SPIDR: variants seen among roughly 807,000 people sequenced by gnomAD.
SPIDR encodes the protein scaffold protein involved in DNA repair.
A neutral mutation model predicts 104.6 loss-of-function variants in SPIDR; 93 were observed. The ratio of observed to expected loss-of-function variants is 0.89; its 90% CI spans 0.75 to 1.06. SPIDR has a LOEUF of 1.06. Ranked by LOEUF, SPIDR falls within the 50% of genes least tolerant of loss-of-function variation. The probability of loss-of-function intolerance (pLI) is 0.00; values close to 1 mark genes in which losing one functional copy is unlikely to be tolerated. For missense variants in SPIDR, 1,154 were observed against 1,111.2 expected, an observed-to-expected ratio of 1.04 and a Z score of -0.55; for synonymous variants, 431 against 416.9, an observed-to-expected ratio of 1.03 and a Z score of -0.41.
At chr8:47,302,846 G>C (rs1488648922) in intron 5 of SPIDR, among the ~76,000 whole-genome samples, 1 of 152,202 alleles carries the variant, frequency 6.6e-6, no homozygotes, top group Non-Finnish European at 1.5e-5. Flanking sequence ...TGAGGTGTCA[G>C]TCTGCCCCTA....
intron 5 of SPIDR, among the ~76,000 whole-genome samples, chr8:47,298,352 T>C (rs1424664030): frequency 6.6e-6 from 1 of 152,232 alleles, no homozygotes; most frequent in Non-Finnish European, 1.5e-5. Context: ...TTCTGGATAT[T>C]AGCCCTTTGT....
At chr8:47,387,410 G>A (rs2060085361) in intron 5 of SPIDR, among the ~76,000 whole-genome samples, 1 of 152,182 alleles carries the variant, frequency 6.6e-6, no homozygotes, top group Admixed American at 6.5e-5. Context: ...GACCCTGGCA[G>A]GAGGGCAGGA....
intron 7 of SPIDR, among the ~76,000 whole-genome samples, chr8:47,412,244 A>G (rs201711664): frequency 1.3e-5 from 2 of 152,110 alleles, no homozygotes; most frequent in Non-Finnish European, 2.9e-5. Context: ...ATTACCTTGG[A>G]CAGTATGGCC....
chr8:47,576,416 G>A (rs1157798501), intron 8 of SPIDR, among the ~76,000 whole-genome samples: 2 of 152,206 alleles, frequency 1.3e-5, no homozygotes, highest in Non-Finnish European at 2.9e-5. Flanking sequence ...CTCCCAAAGT[G>A]CTGGGATTAC....
intron 5 of SPIDR, among the ~76,000 whole-genome samples, chr8:47,343,905 G>C (rs527640485): frequency 6.6e-6 from 1 of 151,810 alleles, no homozygotes; most frequent in Non-Finnish European, 1.5e-5. Flanking sequence ...ACATTCTTAC[G>C]TATTTAATCT....
At chr8:47,711,716 C>G (rs2081921774) in intron 14 of SPIDR, among the ~76,000 whole-genome samples, 1 of 152,192 alleles carries the variant, frequency 6.6e-6, no homozygotes, top group Admixed American at 6.5e-5. Context: ...ACCAATACTT[C>G]CAACTCTAGA....
intron 10 of SPIDR, among the ~76,000 whole-genome samples, chr8:47,672,961 C>T (rs1290365898): frequency 6.6e-6 from 1 of 152,266 alleles, no homozygotes; most frequent in Non-Finnish European, 1.5e-5. Flanking sequence ...CAAGGCAGCA[C>T]TTAAGGCTCC....
At chr8:47,296,244 C>A (rs937265968) in intron 5 of SPIDR, among the ~76,000 whole-genome samples, 11 of 152,228 alleles carry the variant, frequency 7.2e-5, no homozygotes, top group Non-Finnish European at 1.6e-4. Context: ...TCTGTTGTTT[C>A]TTTGCTGTGT....
At chr8:47,332,254 G>T (rs1587135124) in intron 5 of SPIDR, among the ~76,000 whole-genome samples, 2 of 17,318 alleles carry the variant, frequency 1.2e-4, no homozygotes, top group African/African-American at 2.1e-4. Context: ...GCGGTGTTTG[G>T]TTTTTTGTTC....
chr8:47,458,735 T>G (rs1209097419), intron 8 of SPIDR, among the ~76,000 whole-genome samples: 3 of 152,132 alleles, frequency 2.0e-5, no homozygotes, highest in African/African-American at 7.2e-5. Context: ...AGGGAATGCT[T>G]TCAACTTTTC....
intron 8 of SPIDR, among the ~76,000 whole-genome samples, chr8:47,500,693 T>A (rs2080259812): frequency 6.6e-6 from 1 of 152,214 alleles, no homozygotes; most frequent in Non-Finnish European, 1.5e-5. Flanking sequence ...TTGCTTTTGG[T>A]GGTTTAGATG....
intron 8 of SPIDR, among the ~76,000 whole-genome samples, chr8:47,537,100 A>G (rs546985684): frequency 6.6e-5 from 10 of 152,354 alleles, no homozygotes; most frequent in African/African-American, 2.2e-4. Context: ...CAGAACTATC[A>G]TTCATTGCTG....
intron 11 of SPIDR, among the ~76,000 whole-genome samples, chr8:47,674,149 T>G (rs2154472600): frequency 6.6e-6 from 1 of 152,292 alleles, no homozygotes; most frequent in South Asian, 2.1e-4. Flanking sequence ...TTAGGCAGAT[T>G]TCATGATTCA....
chr8:47,404,148 A>G (rs1408522831), intron 6 of SPIDR, among the ~76,000 whole-genome samples: 1 of 152,264 alleles, frequency 6.6e-6, no homozygotes, highest in African/African-American at 2.4e-5. Context: ...GGCCAGCCAT[A>G]TGTAGAAAGC....
chr8:47,294,102 TTG>T, intron 5 of SPIDR, 72 bp downstream of exon 5: 1 of 1,535,186 alleles, frequency 6.5e-7, no homozygotes, highest in Non-Finnish European at 8.7e-7. Flanking sequence ...ATTTTTTTTT[TTG>T]TTTTTTTTTT....
In SPIDR at chr8:47,291,047, A is replaced by G. The variant is rs916963052; in HGVS notation, c.271A>G (p.Lys91Glu). 2 of 1,611,054 alleles carry G rather than the reference A, an allele frequency of 1.2e-6. No individual in the cohort carries two copies. The highest frequency in any genetic ancestry group is 1.7e-6 in the Non-Finnish European group (2 of 1,178,058). ...PRPKQETTTSKSTSGLTDITW... is the reference protein window; with the variant it reads ...PRPKQETTTSESTSGLTDITW... ...TCCTTCAACAGAAACCACCACATCT[A>G]AAAGCACCAGTGGGCTTACAGACAT... The change falls in exon 4 of 20, where the codon AAA becomes GAA. Residue 91 changes from lysine to glutamate, a missense_variant. Coordinates refer to ENST00000297423, the MANE Select transcript of SPIDR (RefSeq NM_001080394.4).
chr8:47,592,300 C>T (rs1012599334), intron 8 of SPIDR: 41 of 1,113,104 alleles, frequency 3.7e-5, no homozygotes, highest in East Asian at 1.4e-4. Flanking sequence ...GAACTGTGTG[C>T]GGATCTGCAG....
At chr8:47,706,568 C>A (rs1017726826) in intron 14 of SPIDR, among the ~76,000 whole-genome samples, 2 of 152,202 alleles carry the variant, frequency 1.3e-5, no homozygotes, top group Non-Finnish European at 2.9e-5. Flanking sequence ...CAGAATCCTC[C>A]GCTGTGCCAT....
chr8:47,304,504 T>TA (rs1213393078), intron 5 of SPIDR, among the ~76,000 whole-genome samples: 1 of 151,944 alleles, frequency 6.6e-6, no homozygotes, highest in Non-Finnish European at 1.5e-5. Context: ...TCGTCTCTAT[T>TA]AAAAAAAATT....
Sources: gnomAD v4.1 joint callset for allele counts (sites outside exome capture counted in the v4.1 genomes callset) on GRCh38, gnomAD v4.1.1 for gene constraint, MANE v1.5 for transcripts, NCBI Gene and HGNC (gene_info 2026-07-23, HGNC 2026-07-21) for gene names.